Variants in GPX6 observed in about 807,000 individuals in gnomAD.
The protein encoded by GPX6 is glutathione peroxidase 6.
A neutral mutation model predicts 20.0 loss-of-function variants in GPX6; 21 were observed. The observed-to-expected ratio is 1.05, with a 90% CI of 0.74 to 1.51. The LOEUF (loss-of-function observed/expected upper bound fraction) is 1.51. GPX6 is among the 40% of genes most tolerant of loss of function. GPX6 has a pLI of 0.00. For missense variants in GPX6, 233 were observed against 254.7 expected, an observed-to-expected ratio of 0.91 and a Z score of 0.58; for synonymous variants, 75 against 98.0, an observed-to-expected ratio of 0.77 and a Z score of 1.38.
chr6:28,510,640 G>T, intron 2 of GPX6, 111 bp downstream of exon 2: 1 of 1,012,306 alleles, frequency 9.9e-7, no homozygotes, highest in Non-Finnish European at 1.5e-6. Flanking sequence ...AGAGTCACCT[G>T]ATCAGTTCTC....
chr6:28,514,829 C>T (rs1266216509), intron 1 of GPX6, among the ~76,000 whole-genome samples: 3 of 152,214 alleles, frequency 2.0e-5, no homozygotes, highest in Non-Finnish European at 2.9e-5. Context: ...ATATAATTGG[C>T]ATATGGCCAC....
chr6:28,509,878 A>G (rs1762844191), intron 2 of GPX6, among the ~76,000 whole-genome samples: 1 of 152,146 alleles, frequency 6.6e-6, no homozygotes, highest in Non-Finnish European at 1.5e-5. Context: ...CCCAGACAGA[A>G]AACTTCATTT....
rs771825606 is a variant in GPX6, at chr6:28,510,724, CAA to C, written c.241+25_241+26del. Reference sequence around the variant, plus strand: ...TATGGCTATCTGGCAATGCTGCTTCCAAAAGAGTTGAAACGTGAGTTCTTACC... The same window carrying C: ...TATGGCTATCTGGCAATGCTGCTTCCAAGAGTTGAAACGTGAGTTCTTACC... On this transcript the variant is annotated intron_variant, in intron 2 of 4. Coordinates refer to ENST00000361902, the MANE Select transcript of GPX6 (RefSeq NM_182701.1). The C allele has an allele frequency of 1.1e-5, 17 of 1,603,954 alleles. No homozygotes were observed. In the African/African-American group the frequency reaches 1.5e-4, roughly 14 times the overall value.
At chr6:28,512,514 G>A (rs1762903733) in intron 1 of GPX6, among the ~76,000 whole-genome samples, 1 of 152,130 alleles carries the variant, frequency 6.6e-6, no homozygotes, top group Admixed American at 6.5e-5. Flanking sequence ...GATTGTAAAG[G>A]CACCAATCCG....
At chr6:28,511,613 A>C (rs1218707926) in intron 1 of GPX6, among the ~76,000 whole-genome samples, 1 of 152,238 alleles carries the variant, frequency 6.6e-6, no homozygotes, top group African/African-American at 2.4e-5. Context: ...TCAGCGGAGG[A>C]ACACACTCAA....
intron 1 of GPX6, among the ~76,000 whole-genome samples, chr6:28,511,194 C>G (rs947044280): frequency 2.0e-5 from 3 of 152,216 alleles, no homozygotes; most frequent in Non-Finnish European, 4.4e-5. Flanking sequence ...ACACTGCATT[C>G]TCCCCCGACA....
intron 2 of GPX6, among the ~76,000 whole-genome samples, chr6:28,506,793 G>A (rs1762810950): frequency 6.6e-6 from 1 of 151,468 alleles, no homozygotes; most frequent in Non-Finnish European, 1.5e-5. Context: ...AGATTTGAAT[G>A]CCACTGTCTT....
At position 28,504,433 on chromosome 6, in the gene GPX6, C is replaced by G; in HGVS notation, c.525G>C (p.Lys175Asn). 8 of 1,614,156 alleles carry G rather than the reference C, an allele frequency of 5.0e-6. No homozygotes were observed. Among genetic ancestry groups the G allele is most frequent in the Non-Finnish European group, 6.8e-6 (8 of 1,180,046 alleles). ...CAAAGTTCCAGCGGATATCATGGAC[C>G]TTCATGGGCTCCCAGAAGAGTTGGC... ...SSSQLFWEPMKVHDIRWNFEK... is the reference protein window; with the variant it reads ...SSSQLFWEPMNVHDIRWNFEK... The change falls in exon 5 of 5, where the codon AAG becomes AAC. Residue 175 changes from lysine to asparagine, a missense_variant. Transcript: ENST00000361902.
intron 2 of GPX6, among the ~76,000 whole-genome samples, chr6:28,508,512 T>TA (rs1171413173): frequency 6.6e-6 from 1 of 151,860 alleles, no homozygotes; most frequent in Non-Finnish European, 1.5e-5. Flanking sequence ...TACATAAAAA[T>TA]AAAAAAATTG....
At chr6:28,512,540 G>A (rs1033425349) in intron 1 of GPX6, among the ~76,000 whole-genome samples, 3 of 152,198 alleles carry the variant, frequency 2.0e-5, no homozygotes, top group Non-Finnish European at 4.4e-5. Context: ...TGTCAAAACA[G>A]ACCACTCGGC....
Position 28,514,308 on chromosome 6 carries a change from T to A in GPX6, c.87+1349A>T, listed in dbSNP as rs146741250. Among the ~76,000 whole-genome samples the A allele has an allele frequency of 2.1e-3, 327 of 152,292 alleles. 2 individuals carry two copies. The highest frequency in any genetic ancestry group is 3.2e-3 in the Non-Finnish European group (220 of 68,014). ...AAAACTGCAGACTCGAAGAGCTCAATCCTTCCTACCCAGTTTTCAGTTCTG... is the reference window on the plus strand; with the variant it reads ...AAAACTGCAGACTCGAAGAGCTCAAACCTTCCTACCCAGTTTTCAGTTCTG... On this transcript the variant is annotated intron_variant, in intron 1 of 4. Transcript: ENST00000361902.
Position 28,515,739 on chromosome 6 carries a change from A to T in GPX6, c.5T>A (p.Phe2Tyr), listed in dbSNP as rs374230187. Residue 2 changes from phenylalanine to tyrosine, a missense_variant, in exon 1 of 5, where the codon TTC (phenylalanine) becomes TAC (tyrosine). By Grantham distance (22) the Phe-to-Tyr change is conservative. Transcript: ENST00000361902. ...AAGACAGGAGGCCTGGAACTGCTGG[A>T]ACATGGCTAGGAGTTTTAGACGACT... M[F>Y]QQFQASCLVL... 6.2e-7 allele frequency: 1 copy of T among 1,613,724 alleles called. No homozygotes were observed. The highest frequency in any genetic ancestry group is 1.3e-5 in the African/African-American group (1 of 74,992).
In GPX6 at chr6:28,506,432, G is replaced by A; in HGVS notation, c.242-3C>T. On this transcript the variant is annotated splice_region_variant and splice_polypyrimidine_tract_variant and intron_variant, in intron 2 of 4. Transcript: ENST00000361902. ...CTCCTCCTGTAGTGCATTCAGTTCT[G>A]TAAGTGGACAATGAATAGCAGGGGT... 25 of 1,579,378 alleles carry A rather than the reference G, an allele frequency of 1.6e-5. No homozygotes were observed. The highest frequency in any genetic ancestry group is 2.2e-5 in the Non-Finnish European group (25 of 1,148,154).
At chr6:28,505,309 T>C (rs1219957876) in intron 4 of GPX6, among the ~76,000 whole-genome samples, 1 of 152,206 alleles carries the variant, frequency 6.6e-6, no homozygotes, top group Non-Finnish European at 1.5e-5. Flanking sequence ...TGGTATTCTG[T>C]ATTTTTACCA....
At chr6:28,515,373 A>G (rs722788) in intron 1 of GPX6, among the ~76,000 whole-genome samples, 1 of 152,060 alleles carries the variant, frequency 6.6e-6, no homozygotes, top group African/African-American at 2.4e-5. Context: ...TCAAGGGGCC[A>G]CCAGGGGGAA....
intron 4 of GPX6, 73 bp from the exon 5 acceptor site, chr6:28,504,571 T>C: frequency 7.5e-7 from 1 of 1,333,470 alleles, no homozygotes; most frequent in Non-Finnish European, 1.0e-6. Flanking sequence ...TGGTACAGTT[T>C]TATCTCCAGA....
chr6:28,515,351 G>A (rs1763005341), intron 1 of GPX6, among the ~76,000 whole-genome samples: 1 of 152,198 alleles, frequency 6.6e-6, no homozygotes, highest in Non-Finnish European at 1.5e-5. Flanking sequence ...GAAGGGGACA[G>A]GCTCTAGGCT....
At chr6:28,515,206 C>T (rs1284236149) in intron 1 of GPX6, among the ~76,000 whole-genome samples, 1 of 152,208 alleles carries the variant, frequency 6.6e-6, no homozygotes, top group Non-Finnish European at 1.5e-5. Flanking sequence ...CCCAGATTCT[C>T]TCACCTCTCC....
intron 2 of GPX6, among the ~76,000 whole-genome samples, chr6:28,507,194 T>C: frequency 6.6e-6 from 1 of 152,338 alleles, no homozygotes; most frequent in African/African-American, 2.4e-5. Flanking sequence ...TATTTTCAGG[T>C]AAGATTTATT....
Sources: allele counts gnomAD v4.1 joint callset (sites outside exome capture counted in the v4.1 genomes callset), GRCh38; gene constraint gnomAD v4.1.1; transcripts MANE v1.5; gene names NCBI Gene and HGNC (gene_info 2026-07-23, HGNC 2026-07-21).